Variants in MAPRE2 observed in about 807,000 individuals in gnomAD.
The protein encoded by MAPRE2 is microtubule associated protein RP/EB family member 2.
In MAPRE2, 13 loss-of-function variants were observed where a neutral mutation model predicts 43.2. The ratio of observed to expected loss-of-function variants is 0.30; its 90% CI spans 0.20 to 0.48. The LOEUF is 0.48. Among genes scored for constraint, MAPRE2 ranks in the 20% least tolerant of loss-of-function variants. The probability of loss-of-function intolerance (pLI) is 0.99; values close to 1 mark genes in which losing one functional copy is unlikely to be tolerated. For synonymous variants in MAPRE2, 135 were observed against 148.8 expected (o/e 0.91, Z 0.68); for missense variants, 161 against 400.2 (o/e 0.40, Z 5.10).
At chr18:35,041,275 C>G (rs1905339717), upstream of MAPRE2, 6 of 1,349,606 alleles carry the variant, frequency 4.4e-6, no homozygotes, top group Non-Finnish European at 2.9e-6. Context: ...CGACCCTGTG[C>G]GAATTGAGGC....
chr18:35,064,667 C>A (rs1906744070), intron 1 of MAPRE2, among the ~76,000 whole-genome samples: 1 of 152,142 alleles, frequency 6.6e-6, no homozygotes, highest in African/African-American at 2.4e-5. Context: ...TCATATTTTG[C>A]TCAGTAGGCT....
intron 1 of MAPRE2, among the ~76,000 whole-genome samples, chr18:34,993,255 C>CTTTTTTTTTT (rs760356794): frequency 7.7e-6 from 1 of 130,074 alleles, no homozygotes; most frequent in Admixed American, 7.8e-5. Flanking sequence ...CCATTCCCGC[C>CTTTTTTTTTT]TTTTTTTTTT....
At chr18:34,991,459 C>T (rs2097023756) in intron 1 of MAPRE2, among the ~76,000 whole-genome samples, 1 of 152,200 alleles carries the variant, frequency 6.6e-6, no homozygotes, top group Non-Finnish European at 1.5e-5. Context: ...GAACGAGAGG[C>T]TCCTGGTACT....
At chr18:35,023,544 T>A (rs750661856) in intron 2 of MAPRE2, among the ~76,000 whole-genome samples, 29 of 149,398 alleles carry the variant, frequency 1.9e-4, no homozygotes, top group Non-Finnish European at 2.5e-4. Flanking sequence ...TATATATATA[T>A]AAATTGTTTA....
chr18:35,023,060 C>CTAAAA (rs1197577399), intron 2 of MAPRE2, among the ~76,000 whole-genome samples: 2 of 152,184 alleles, frequency 1.3e-5, no homozygotes, highest in Admixed American at 6.5e-5. Flanking sequence ...GAGTGACACT[C>CTAAAA]ATAAGCTCAG....
chr18:35,051,125 C>T (rs1020442039), intron 1 of MAPRE2, among the ~76,000 whole-genome samples: 9 of 152,088 alleles, frequency 5.9e-5, no homozygotes, highest in Non-Finnish European at 1.3e-4. Context: ...TTGGGGTGAA[C>T]ATGCCAGCCT....
At chr18:35,026,380 A>G (rs920268698) in intron 2 of MAPRE2, among the ~76,000 whole-genome samples, 1 of 152,332 alleles carries the variant, frequency 6.6e-6, no homozygotes, top group African/African-American at 2.4e-5. Flanking sequence ...AATGGCCGCA[A>G]CCTAATTTCT....
chr18:35,019,808 C>A (rs1241292832), intron 2 of MAPRE2, among the ~76,000 whole-genome samples: 1 of 152,022 alleles, frequency 6.6e-6, no homozygotes, highest in Admixed American at 6.6e-5. Context: ...GTCCCCATAT[C>A]CCTGTGAATA....
chr18:35,082,252 T>C (rs1434596023), intron 2 of MAPRE2: 2 of 65,080 alleles, frequency 3.1e-5, no homozygotes, highest in Non-Finnish European at 4.5e-5. Context: ...ATTGCGCCAC[T>C]GCACTCCAGC....
chr18:35,126,871 A>G, intron 4 of MAPRE2, 77 bp from the exon 5 acceptor site: 5 of 1,282,060 alleles, frequency 3.9e-6, no homozygotes, highest in Non-Finnish European at 5.5e-6. Context: ...AGCTCTTTTC[A>G]TATCATTCAT....
chr18:35,041,979 C>A (rs956604636), intron 1 of MAPRE2, among the ~76,000 whole-genome samples: 1 of 152,208 alleles, frequency 6.6e-6, no homozygotes, highest in Non-Finnish European at 1.5e-5. Flanking sequence ...AGTAGCACTT[C>A]CTTTCCTCCT....
intron 1 of MAPRE2, among the ~76,000 whole-genome samples, chr18:34,990,375 G>T (rs777656581): frequency 4.6e-5 from 7 of 152,122 alleles, no homozygotes; most frequent in Non-Finnish European, 1.0e-4. Context: ...GTTTTGGTAA[G>T]GGTTTAGAAG....
intron 1 of MAPRE2, among the ~76,000 whole-genome samples, chr18:34,997,958 A>G (rs1234589046): frequency 1.3e-5 from 2 of 152,252 alleles, no homozygotes; most frequent in Non-Finnish European, 2.9e-5. Context: ...CAAGTTGTAT[A>G]TGTTACCTGG....
intron 1 of MAPRE2, among the ~76,000 whole-genome samples, chr18:35,052,585 G>A (rs916958793): frequency 6.6e-6 from 1 of 152,182 alleles, no homozygotes; most frequent in Non-Finnish European, 1.5e-5. Flanking sequence ...CTTAGGAGTG[G>A]AGTGATTGGG....
intron 1 of MAPRE2, among the ~76,000 whole-genome samples, chr18:35,001,932 C>T (rs577882182): frequency 4.5e-4 from 69 of 151,964 alleles, no homozygotes; most frequent in African/African-American, 1.5e-3. Context: ...TAGAGAGATC[C>T]CATATATTCT....
chr18:35,065,496 T>TC (rs1464470512), intron 1 of MAPRE2, among the ~76,000 whole-genome samples: 2 of 152,108 alleles, frequency 1.3e-5, no homozygotes, highest in Non-Finnish European at 2.9e-5. Flanking sequence ...AAAGTGTTCC[T>TC]CCCTTATCTC....
chr18:35,021,904 C>T (rs1419478994), intron 2 of MAPRE2, among the ~76,000 whole-genome samples: 16 of 152,068 alleles, frequency 1.1e-4, no homozygotes, highest in Admixed American at 9.8e-4. Context: ...GGTCCACCCT[C>T]ATGAAATTTC....
intron 4 of MAPRE2, among the ~76,000 whole-genome samples, chr18:35,118,154 C>A (rs1909493758): frequency 6.6e-6 from 1 of 152,094 alleles, no homozygotes; most frequent in Non-Finnish European, 1.5e-5. Flanking sequence ...GGCTTTGAGA[C>A]CACAAGTCAG....
At chr18:35,059,182 G>A (rs1363210918) in intron 1 of MAPRE2, among the ~76,000 whole-genome samples, 1 of 152,184 alleles carries the variant, frequency 6.6e-6, no homozygotes, top group Non-Finnish European at 1.5e-5. Context: ...TGAGACACAT[G>A]TGCCCACATT....
Sources: gnomAD v4.1 joint callset for allele counts (sites outside exome capture counted in the v4.1 genomes callset) on GRCh38, gnomAD v4.1.1 for gene constraint, MANE v1.5 for transcripts, NCBI Gene and HGNC (gene_info 2026-07-23, HGNC 2026-07-21) for gene names.